The following ASAP1 variants were observed in gnomAD, a reference collection of about 807,000 sequenced individuals.
ASAP1 encodes the protein ArfGAP with SH3 domain, ankyrin repeat and PH domain 1.
ASAP1 carries 43 observed loss-of-function variants against 145.2 expected under a neutral mutation model. The ratio of observed to expected loss-of-function variants is 0.30; its 90% CI spans 0.23 to 0.38. ASAP1 has a LOEUF of 0.38. ASAP1 is among the 10% of genes least tolerant of loss of function. The pLI is 1.00. For synonymous variants in ASAP1, 546 were observed against 515.5 expected, an observed-to-expected ratio of 1.06 and a Z score of -0.80; for missense variants, 1,018 against 1,355.3, an observed-to-expected ratio of 0.75 and a Z score of 3.91.
intron 24 of ASAP1, among the ~76,000 whole-genome samples, chr8:130,104,669 T>G (rs1425971426): frequency 6.6e-6 from 1 of 152,244 alleles, no homozygotes; most frequent in South Asian, 2.1e-4. Flanking sequence ...AAAAATTAAA[T>G]TTATGTTCAA....
At chr8:130,343,345 T>C (rs1825507830) in intron 3 of ASAP1, among the ~76,000 whole-genome samples, 1 of 152,178 alleles carries the variant, frequency 6.6e-6, no homozygotes, top group African/African-American at 2.4e-5. Flanking sequence ...TTCAGTCTGC[T>C]AAGCAGAGAG....
At chr8:130,159,825 T>C in intron 12 of ASAP1, 39 bp downstream of exon 12, 1 of 1,506,976 alleles carries the variant, frequency 6.6e-7, no homozygotes, top group Non-Finnish European at 9.2e-7. Context: ...TTTTCTAGGT[T>C]AATCACACAC....
At chr8:130,097,008 C>A (rs1337482815) in intron 24 of ASAP1, among the ~76,000 whole-genome samples, 4 of 151,642 alleles carry the variant, frequency 2.6e-5, no homozygotes, top group Admixed American at 6.6e-5. Context: ...CACCTGTAAT[C>A]CCAGCTACTT....
At chr8:130,062,805 G>A (rs1393988796) in intron 27 of ASAP1, among the ~76,000 whole-genome samples, 2 of 152,170 alleles carry the variant, frequency 1.3e-5, no homozygotes, top group South Asian at 2.1e-4. Flanking sequence ...GCAGGGGATT[G>A]TATGGACAAT....
intron 3 of ASAP1, among the ~76,000 whole-genome samples, chr8:130,295,276 G>A (rs757959324): frequency 1.3e-4 from 19 of 151,952 alleles, no homozygotes; most frequent in Non-Finnish European, 2.2e-4. Context: ...GAGCAAGACT[G>A]TCTCACAAAG....
At chr8:130,303,181 G>C (rs1273570185) in intron 3 of ASAP1, among the ~76,000 whole-genome samples, 1 of 152,182 alleles carries the variant, frequency 6.6e-6, no homozygotes, top group Admixed American at 6.5e-5. Flanking sequence ...TAACATCTTA[G>C]ACTGTTTCTT....
chr8:130,291,759 C>T (rs955691229), intron 3 of ASAP1, among the ~76,000 whole-genome samples: 9 of 152,266 alleles, frequency 5.9e-5, no homozygotes, highest in African/African-American at 2.2e-4. Flanking sequence ...CTTATATTTC[C>T]AGGCATGAAT....
chr8:130,269,535 A>G (rs1820464812), intron 3 of ASAP1, among the ~76,000 whole-genome samples: 1 of 152,220 alleles, frequency 6.6e-6, no homozygotes, highest in Non-Finnish European at 1.5e-5. Context: ...CCTCCCAGTA[A>G]TACATGCCAC....
intron 2 of ASAP1, among the ~76,000 whole-genome samples, chr8:130,382,821 T>C (rs1827842606): frequency 7.2e-6 from 1 of 138,612 alleles, no homozygotes; most frequent in African/African-American, 2.7e-5. Flanking sequence ...CACTTCAACC[T>C]GGGCGACAGA....
intron 13 of ASAP1, among the ~76,000 whole-genome samples, chr8:130,151,243 C>T (rs368368780): frequency 2.0e-5 from 3 of 151,302 alleles, no homozygotes; most frequent in African/African-American, 7.3e-5. Flanking sequence ...TGGTGGTGGG[C>T]GCCTGTAGTC....
intron 24 of ASAP1, among the ~76,000 whole-genome samples, chr8:130,102,000 G>A (rs1046297504): frequency 6.6e-6 from 1 of 151,882 alleles, no homozygotes; most frequent in Non-Finnish European, 1.5e-5. Flanking sequence ...TTTTGGTGAC[G>A]TCTTTAGGTT....
intron 3 of ASAP1, among the ~76,000 whole-genome samples, chr8:130,300,003 C>T (rs1190752722): frequency 6.6e-6 from 1 of 151,794 alleles, no homozygotes; most frequent in African/African-American, 2.4e-5. Flanking sequence ...GTTAATTAAA[C>T]AAGGAGTCAG....
At chr8:130,405,529 A>G (rs940424713) in intron 1 of ASAP1, among the ~76,000 whole-genome samples, 1 of 152,216 alleles carries the variant, frequency 6.6e-6, no homozygotes, top group Admixed American at 6.5e-5. Flanking sequence ...TAACATCAAA[A>G]GTTCCAGTCC....
At chr8:130,219,711 G>A (rs565002831) in intron 4 of ASAP1, among the ~76,000 whole-genome samples, 61 of 152,308 alleles carry the variant, frequency 4.0e-4, no homozygotes, top group African/African-American at 1.3e-3. Context: ...TGATCCATCC[G>A]TTAAGAAGAC....
In ASAP1 at chr8:130,282,998, T is replaced by C. The variant is rs191742795; in HGVS notation, c.187-46004A>G. On this transcript the variant is annotated intron_variant, in intron 3 of 29. Coordinates refer to ENST00000518721, the MANE Select transcript of ASAP1 (RefSeq NM_018482.4). Reference sequence around the variant, plus strand: ...GGAAAGGGGATGCACTATTATTAAATGGTCTATGTTCTTCAAACAAGCCAG... The same window carrying C: ...GGAAAGGGGATGCACTATTATTAAACGGTCTATGTTCTTCAAACAAGCCAG... 1.8e-3 allele frequency among the ~76,000 whole-genome samples: 268 copies of C among 152,362 alleles called. 1 individual carries two copies. The highest frequency in any genetic ancestry group is 6.0e-3 in the African/African-American group (248 of 41,582).
At chr8:130,182,072 C>T (rs536564255) in intron 7 of ASAP1, among the ~76,000 whole-genome samples, 1 of 152,290 alleles carries the variant, frequency 6.6e-6, no homozygotes, top group African/African-American at 2.4e-5. Context: ...TTTAATCATG[C>T]CACCTTGGCA....
At chr8:130,130,352 G>T (rs1412093457) in intron 15 of ASAP1, among the ~76,000 whole-genome samples, 1 of 152,126 alleles carries the variant, frequency 6.6e-6, no homozygotes, top group African/African-American at 2.4e-5. Context: ...CACTTTTTCA[G>T]AGTTCCTTCC....
intron 3 of ASAP1, among the ~76,000 whole-genome samples, chr8:130,354,292 A>G (rs1826174818): frequency 6.6e-6 from 1 of 152,238 alleles, no homozygotes; most frequent in Non-Finnish European, 1.5e-5. Flanking sequence ...ATAAAATGGA[A>G]ACGATAAATG....
intron 3 of ASAP1, among the ~76,000 whole-genome samples, chr8:130,327,435 G>C (rs552766498): frequency 6.6e-6 from 1 of 152,268 alleles, no homozygotes; most frequent in South Asian, 2.1e-4. Context: ...CTAGGAGCCT[G>C]AAGCTCTTCA....
Sources: gnomAD v4.1 joint callset for allele counts (sites outside exome capture counted in the v4.1 genomes callset) on GRCh38, gnomAD v4.1.1 for gene constraint, MANE v1.5 for transcripts, NCBI Gene and HGNC (gene_info 2026-07-23, HGNC 2026-07-21) for gene names.